The following ABLIM2 variants were observed in gnomAD, a reference collection of about 807,000 sequenced individuals.
The protein encoded by ABLIM2 is actin-binding LIM protein 2.
A neutral mutation model predicts 97.7 loss-of-function variants in ABLIM2; 53 were observed. The observed-to-expected ratio is 0.54, with a 90% CI of 0.44 to 0.68. The LOEUF (loss-of-function observed/expected upper bound fraction) is 0.68. Among genes scored for constraint, ABLIM2 ranks in the 30% least tolerant of loss-of-function variants. ABLIM2 has a pLI of 0.00. For synonymous variants in ABLIM2, 361 were observed against 345.8 expected (o/e 1.04, Z -0.49); for missense variants, 835 against 867.2 (o/e 0.96, Z 0.47).
At position 8,015,964 on chromosome 4, in the gene ABLIM2, T is replaced by C. The variant is rs1768793911; in HGVS notation, c.1423+3654A>G. ...AAAATCACCACACTTCCTCATTTTA[T>C]AAGTTCAAATCAGATATGAGACGAT... On this transcript the variant is annotated intron_variant, in intron 14 of 20. Transcript: ENST00000447017. This position sits in a 1 kb window ranked among gnomAD's most constrained non-coding sequence, Gnocchi z 4.6. Among the ~76,000 whole-genome samples the C allele has an allele frequency of 6.6e-6, 1 of 152,054 alleles. No homozygotes were observed. Among genetic ancestry groups the C allele is most frequent in the Non-Finnish European group, 1.5e-5 (1 of 68,040 alleles).
At chr4:8,024,723 C>T (rs1049486601) in intron 12 of ABLIM2, among the ~76,000 whole-genome samples, 10 of 152,206 alleles carry the variant, frequency 6.6e-5, no homozygotes, top group African/African-American at 2.4e-4. Context: ...GAAGCCTGAC[C>T]TTGGGCTCTG....
intron 14 of ABLIM2, among the ~76,000 whole-genome samples, chr4:8,013,993 A>C (rs946230317): frequency 6.6e-6 from 1 of 152,180 alleles, no homozygotes; most frequent in Non-Finnish European, 1.5e-5. Context: ...TCTCTTGCCC[A>C]TGTCCAGGGG....
chr4:8,107,801 T>G (rs990184343), intron 1 of ABLIM2, among the ~76,000 whole-genome samples: 1 of 152,194 alleles, frequency 6.6e-6, no homozygotes, highest in African/African-American at 2.4e-5. Context: ...CGATGGGATA[T>G]GATGTGATCG....
rs777220777 is a variant in ABLIM2, at chr4:8,088,243, T to C, written c.380A>G (p.Lys127Arg). ...PPGDRVTFNGKECMCQKCSLP... is the reference protein window; with the variant it reads ...PPGDRVTFNGRECMCQKCSLP... ...GGAACACTTCTGGCACATGCATTCC[T>C]TCCCGTTGAAGGTCACTCGGTCCCC... The change falls in exon 4 of 21, where the codon AAG becomes AGG. Residue 127 changes from lysine (K) to arginine (R), a missense_variant. Physicochemically the swap from Lys to Arg is conservative, Grantham distance 26. Coordinates refer to ENST00000447017, the MANE Select transcript of ABLIM2 (RefSeq NM_001130083.2). 2 of 1,612,650 alleles carry C rather than the reference T, an allele frequency of 1.2e-6. No homozygotes were observed. The highest frequency in any genetic ancestry group is 8.5e-7 in the Non-Finnish European group (1 of 1,179,482).
chr4:8,000,265 G>A (rs114566399), intron 16 of ABLIM2, among the ~76,000 whole-genome samples: 1,738 of 152,208 alleles, frequency 0.011, 40 homozygotes, highest in African/African-American at 0.04. Context: ...GGCTTGCCAT[G>A]GCCTGGCTTG....
Position 8,048,765 on chromosome 4 carries a change from C to T in ABLIM2, c.823-3524G>A, listed in dbSNP as rs983472817. On this transcript the variant is annotated intron_variant, in intron 8 of 20. Transcript: ENST00000447017. ...TCAGTCTTAACTTTTCCAAAGGAGA[C>T]CCACCTTGGAAACCCACAACCTACA... Among the ~76,000 whole-genome samples, 4 of 152,180 alleles carry T rather than the reference C, an allele frequency of 2.6e-5. No individual in the cohort carries two copies. The East Asian group carries it at 5.8e-4, about 22-fold the overall frequency.
chr4:7,988,803 C>G (rs988447049), intron 17 of ABLIM2, among the ~76,000 whole-genome samples: 1 of 152,066 alleles, frequency 6.6e-6, no homozygotes, highest in Non-Finnish European at 1.5e-5. Flanking sequence ...AGTAACTTGC[C>G]CAAAAACAGA....
At chr4:8,020,086 C>T (rs1012766863) in intron 13 of ABLIM2, 116 bp downstream of exon 13, 3 of 890,008 alleles carry the variant, frequency 3.4e-6, no homozygotes, top group African/African-American at 1.7e-5. Context: ...AGTGGAGGAG[C>T]CTGGAGTGTC....
intron 2 of ABLIM2, among the ~76,000 whole-genome samples, chr4:8,105,492 G>A (rs1257368674): frequency 1.3e-5 from 2 of 152,242 alleles, no homozygotes; most frequent in African/African-American, 4.8e-5. Context: ...TTGGATGGGG[G>A]CCGTGCAACG....
intron 1 of ABLIM2, among the ~76,000 whole-genome samples, chr4:8,142,239 T>G (rs1487165807): frequency 6.6e-6 from 1 of 151,964 alleles, no homozygotes. Context: ...GGTCTCACAG[T>G]CTCTATGGCA....
rs774173888 is a variant in ABLIM2, at chr4:8,002,641, G to A, written c.1618+5418C>T. The stretch of plus-strand genomic sequence containing the variant: ...GAGTCCCAGCTCCGCCACCCTCACC[G>A]TCTCGGTTTCCCAAGGCCGCCCTGC... On this transcript the variant is annotated intron_variant, in intron 16 of 20. Coordinates refer to ENST00000447017, the MANE Select transcript of ABLIM2 (RefSeq NM_001130083.2). This position sits in a 1 kb window ranked among gnomAD's most constrained non-coding sequence, Gnocchi z 6.1. Among the ~76,000 whole-genome samples, 1 of 152,022 alleles carries A rather than the reference G, an allele frequency of 6.6e-6. No homozygotes were observed. The highest frequency in any genetic ancestry group is 1.5e-5 in the Non-Finnish European group (1 of 67,998).
chr4:8,128,678 G>C lies in ABLIM2; in HGVS notation c.11-22041C>G, dbSNP rs947017307. On this transcript the variant is annotated intron_variant, in intron 1 of 20. Coordinates refer to ENST00000447017, the MANE Select transcript of ABLIM2 (RefSeq NM_001130083.2). The surrounding 1 kb of genome is among the most constrained non-coding windows in gnomAD (Gnocchi z 4.9). Reference sequence around the variant, plus strand: ...GCCACTGCCGTGGATTGAATGTGGTGTCCCCTCCCCAGACTCACATGCTGA... The same window carrying C: ...GCCACTGCCGTGGATTGAATGTGGTCTCCCCTCCCCAGACTCACATGCTGA... 1.3e-5 allele frequency among the ~76,000 whole-genome samples: 2 copies of C among 152,176 alleles called. No homozygotes were observed. The highest frequency in any genetic ancestry group is 2.9e-5 in the Non-Finnish European group (2 of 68,040).
intron 14 of ABLIM2, among the ~76,000 whole-genome samples, chr4:8,009,622 T>C (rs1264243289): frequency 6.6e-6 from 1 of 152,106 alleles, no homozygotes; most frequent in Non-Finnish European, 1.5e-5. Context: ...TCTTGAACTC[T>C]TGATCTCAAG....
rs6845856 is a variant in ABLIM2 at position 8,130,564 on chromosome 4, A to G, written c.11-23927T>C. On this transcript the variant is annotated intron_variant, in intron 1 of 20. Coordinates refer to ENST00000447017, the MANE Select transcript of ABLIM2 (RefSeq NM_001130083.2). The surrounding 1 kb of genome is among the most constrained non-coding windows in gnomAD (Gnocchi z 4.2). Reference sequence around the variant, plus strand: ...GAGGTGGCGCCACGCTTGGCCCCGCATTACTGGGACTTGAAGGGAGGCAGC... The same window carrying G: ...GAGGTGGCGCCACGCTTGGCCCCGCGTTACTGGGACTTGAAGGGAGGCAGC... 1 allele frequency among the ~76,000 whole-genome samples: 151,429 copies of G among 152,080 alleles called. 75,393 individuals are homozygous for G. Among genetic ancestry groups the G allele is most frequent in the East Asian group, 1 (5,118 of 5,118 alleles).
In ABLIM2 at chr4:8,082,252, G is replaced by A. The variant is rs558134462; in HGVS notation, c.455-1450C>T. 1.3e-5 allele frequency among the ~76,000 whole-genome samples: 2 copies of A among 152,192 alleles called. No homozygotes were observed. Among genetic ancestry groups the A allele is most frequent in the African/African-American group, 4.8e-5 (2 of 41,438 alleles). On this transcript the variant is annotated intron_variant, in intron 4 of 20. Coordinates refer to ENST00000447017, the MANE Select transcript of ABLIM2 (RefSeq NM_001130083.2). The surrounding 1 kb of genome is among the most constrained non-coding windows in gnomAD (Gnocchi z 5.6). ...GTGGCCCCAGGGCCCGACGTGCTGG[G>A]TACAAATCCTGGCCCCCACTATGCG... is the stretch of plus-strand genomic sequence containing the variant.
intron 1 of ABLIM2, among the ~76,000 whole-genome samples, chr4:8,154,001 C>T (rs1370947761): frequency 5.1e-5 from 7 of 137,476 alleles, no homozygotes; most frequent in South Asian, 2.3e-4. Flanking sequence ...CTCACTCTGT[C>T]GCCCAGGCTG....
At chr4:8,137,522 G>A (rs1190309194) in intron 1 of ABLIM2, among the ~76,000 whole-genome samples, 3 of 152,356 alleles carry the variant, frequency 2.0e-5, no homozygotes, top group South Asian at 2.1e-4. Context: ...ACACAGGGCT[G>A]GGGAAGGGCC....
chr4:8,123,928 G>A lies in ABLIM2; in HGVS notation c.11-17291C>T, dbSNP rs1846648407. On this transcript the variant is annotated intron_variant, in intron 1 of 20. Coordinates refer to ENST00000447017, the MANE Select transcript of ABLIM2 (RefSeq NM_001130083.2). This position sits in a 1 kb window ranked among gnomAD's most constrained non-coding sequence, Gnocchi z 6.2. ...TCAATGACAAAAATAACTTCATTTT[G>A]ATGACCTAAGGAATGCTACTCATGG... Among the ~76,000 whole-genome samples, 1 of 152,176 alleles carries A rather than the reference G, an allele frequency of 6.6e-6. No homozygotes were observed. Among genetic ancestry groups the A allele is most frequent in the Admixed American group, 6.5e-5 (1 of 15,284 alleles).
Position 8,083,277 on chromosome 4 carries a change from C to G in ABLIM2, c.455-2475G>C, listed in dbSNP as rs1237211122. Among the ~76,000 whole-genome samples, 1 of 152,198 alleles carries G rather than the reference C, an allele frequency of 6.6e-6. No homozygotes were observed. The highest frequency in any genetic ancestry group is 1.5e-5 in the Non-Finnish European group (1 of 68,040). On this transcript the variant is annotated intron_variant, in intron 4 of 20. Coordinates refer to ENST00000447017, the MANE Select transcript of ABLIM2 (RefSeq NM_001130083.2). This position sits in a 1 kb window ranked among gnomAD's most constrained non-coding sequence, Gnocchi z 4.6. ...CACCGGCTGTGACCTGGGGAAGTCA[C>G]TTCACCTCTCTGTGCCCCTGGAATG...
Sources: gnomAD v4.1 joint callset for allele counts (sites outside exome capture counted in the v4.1 genomes callset) on GRCh38, gnomAD v4.1.1 for gene constraint, Gnocchi (gnomAD v3.1) non-coding constraint, MANE v1.5 for transcripts, NCBI Gene and HGNC (gene_info 2026-07-23, HGNC 2026-07-21) for gene names.